The following NKAIN3 variants were observed in gnomAD, a reference collection of about 807,000 sequenced individuals.
NKAIN3 encodes the protein sodium/potassium transporting ATPase interacting 3.
Under a neutral mutation model 30.2 loss-of-function variants are expected in NKAIN3, and 25 were observed. The ratio of observed to expected loss-of-function variants is 0.83; its 90% CI spans 0.60 to 1.16. The LOEUF is 1.16. Among genes scored for constraint, NKAIN3 ranks in the 50% most tolerant of loss-of-function variants. NKAIN3 has a pLI of 0.00. For missense variants in NKAIN3, 225 were observed against 254.1 expected (o/e 0.89, Z 0.78); for synonymous variants, 91 against 89.6 (o/e 1.02, Z -0.09).
chr8:62,920,259 A>AG (rs1388144295), intron 5 of NKAIN3, among the ~76,000 whole-genome samples: 4 of 152,244 alleles, frequency 2.6e-5, no homozygotes, highest in Non-Finnish European at 5.9e-5. Context: ...TTGAGTAGTT[A>AG]TCAAACAACA....
intron 4 of NKAIN3, among the ~76,000 whole-genome samples, chr8:62,815,030 A>G (rs530140906): frequency 3.6e-4 from 55 of 152,240 alleles, no homozygotes; most frequent in Admixed American, 2.3e-3. Flanking sequence ...AAAATGATAA[A>G]GGGGATATCA....
rs1249014511 is a variant in NKAIN3 at position 62,976,992 on chromosome 8, A to G, written c.*11585A>G. Among the ~76,000 whole-genome samples, 3 of 152,164 alleles carry G rather than the reference A, an allele frequency of 2.0e-5. No homozygotes were observed. The highest frequency in any genetic ancestry group is 4.4e-5 in the Non-Finnish European group (3 of 68,030). On this transcript the variant is annotated 3_prime_UTR_variant, in exon 7 of 7. Transcript: ENST00000623646. ...TCTGGGTTGAAAATTCTTTTCTTTA[A>G]GAATGTTGAATATTAGCCCCCAATC...
At chr8:62,353,961 G>A (rs544623906) in intron 1 of NKAIN3, among the ~76,000 whole-genome samples, 2 of 152,318 alleles carry the variant, frequency 1.3e-5, no homozygotes, top group East Asian at 3.9e-4. Context: ...AAAGAAGCGA[G>A]TGTGCATAAG....
chr8:62,358,692 G>A (rs16928742), intron 1 of NKAIN3, among the ~76,000 whole-genome samples: 14,710 of 152,082 alleles, frequency 0.097, 1,006 homozygotes, highest in African/African-American at 0.18. Context: ...CTGAAGAATC[G>A]TGCTTTAAGC....
downstream of NKAIN3, among the ~76,000 whole-genome samples, chr8:62,989,607 G>A (rs1299241961): frequency 6.6e-6 from 1 of 152,062 alleles, no homozygotes; most frequent in African/African-American, 2.4e-5. Context: ...GATTTGGGTG[G>A]GGACACAGCC....
intron 1 of NKAIN3, among the ~76,000 whole-genome samples, chr8:62,288,941 G>C (rs1813475748): frequency 6.6e-6 from 1 of 152,150 alleles, no homozygotes; most frequent in Non-Finnish European, 1.5e-5. Context: ...ATTCTAACTG[G>C]TGTGAGATGG....
chr8:62,383,722 T>C lies in NKAIN3; in HGVS notation c.54+134595T>C, dbSNP rs73259242. ...TAAGTTGTCATCTAATGACTGTTCT[T>C]TTTCTCAAATCATTTACAGTCTATA... On this transcript the variant is annotated intron_variant, in intron 1 of 6. Coordinates refer to ENST00000623646, the MANE Select transcript of NKAIN3 (RefSeq NM_001304533.3). 5.5e-3 allele frequency among the ~76,000 whole-genome samples: 841 copies of C among 152,260 alleles called. 8 individuals are homozygous for C. The highest frequency in any genetic ancestry group is 0.018 in the African/African-American group (768 of 41,562).
chr8:62,599,425 A>G (rs751152571), intron 3 of NKAIN3, among the ~76,000 whole-genome samples: 2 of 152,082 alleles, frequency 1.3e-5, no homozygotes, highest in Non-Finnish European at 2.9e-5. Context: ...GAAAGCCACA[A>G]CAATAATCGC....
intron 4 of NKAIN3, among the ~76,000 whole-genome samples, chr8:62,907,576 G>A (rs1821817535): frequency 6.6e-6 from 1 of 152,184 alleles, no homozygotes; most frequent in Non-Finnish European, 1.5e-5. Flanking sequence ...GCTGGGCCCA[G>A]GACCTTGCTG....
At chr8:62,277,814 AC>A (rs372849298) in intron 1 of NKAIN3, among the ~76,000 whole-genome samples, 86 of 152,174 alleles carry the variant, frequency 5.7e-4, no homozygotes, top group African/African-American at 2.0e-3. Flanking sequence ...TTTTGAATAT[AC>A]TCTTTTGAGG....
At chr8:62,302,184 C>T (rs1814071714) in intron 1 of NKAIN3, among the ~76,000 whole-genome samples, 1 of 152,040 alleles carries the variant, frequency 6.6e-6, no homozygotes, top group Non-Finnish European at 1.5e-5. Context: ...TCAGGTTCGG[C>T]AAATGGGTAA....
intron 1 of NKAIN3, among the ~76,000 whole-genome samples, chr8:62,419,892 A>G (rs1166511582): frequency 6.6e-6 from 1 of 152,128 alleles, no homozygotes; most frequent in African/African-American, 2.4e-5. Flanking sequence ...TGTTTTTTCA[A>G]TCTTATTCCT....
chr8:62,389,708 T>G (rs1308235718), intron 1 of NKAIN3, among the ~76,000 whole-genome samples: 6 of 152,206 alleles, frequency 3.9e-5, no homozygotes, highest in Admixed American at 3.9e-4. Context: ...TCAATGTTTC[T>G]GCACTCCAAA....
intron 3 of NKAIN3, among the ~76,000 whole-genome samples, chr8:62,627,072 C>T (rs971684545): frequency 3.3e-5 from 5 of 152,146 alleles, no homozygotes; most frequent in African/African-American, 4.8e-5. Context: ...CTGCTTCTTT[C>T]CCCCAACGCC....
At chr8:62,644,305 T>C (rs1450008063) in intron 3 of NKAIN3, among the ~76,000 whole-genome samples, 1 of 152,098 alleles carries the variant, frequency 6.6e-6, no homozygotes, top group African/African-American at 2.4e-5. Flanking sequence ...CAAACAAAGG[T>C]CTCCTCAAAA....
chr8:62,372,745 A>G (rs921543156), intron 1 of NKAIN3, among the ~76,000 whole-genome samples: 3 of 152,106 alleles, frequency 2.0e-5, no homozygotes, highest in Non-Finnish European at 4.4e-5. Flanking sequence ...ATCTCATAAA[A>G]TCAAAACTTC....
chr8:62,613,128 G>C (rs1463264700), intron 3 of NKAIN3, among the ~76,000 whole-genome samples: 3 of 152,046 alleles, frequency 2.0e-5, no homozygotes, highest in African/African-American at 7.2e-5. Flanking sequence ...TGTTCCTTCA[G>C]GTGATTATTT....
chr8:62,886,703 C>T (rs1034478508), intron 4 of NKAIN3, among the ~76,000 whole-genome samples: 10 of 152,128 alleles, frequency 6.6e-5, no homozygotes, highest in African/African-American at 2.2e-4. Flanking sequence ...ATGTGCAGAA[C>T]TTGCAAGTTT....
intron 1 of NKAIN3, among the ~76,000 whole-genome samples, chr8:62,525,506 T>C (rs7001999): frequency 0.1 from 15,638 of 152,154 alleles, 2,539 homozygotes; most frequent in African/African-American, 0.35. Flanking sequence ...ATTTGGTTTT[T>C]TGTTCCTGTG....
Sources: allele counts gnomAD v4.1 joint callset (sites outside exome capture counted in the v4.1 genomes callset), GRCh38; gene constraint gnomAD v4.1.1; transcripts MANE v1.5; gene names NCBI Gene and HGNC (gene_info 2026-07-23, HGNC 2026-07-21).